ZNF423: variants seen among roughly 807,000 people sequenced by gnomAD.
ZNF423 encodes Ebf-associated zinc finger protein.
Under a neutral mutation model 95.8 loss-of-function variants are expected in ZNF423, and 12 were observed. The observed-to-expected ratio is 0.13, with a 90% CI of 0.08 to 0.20. The LOEUF is 0.20. Ranked by LOEUF, ZNF423 falls within the 10% of genes least tolerant of loss-of-function variation. ZNF423 has a pLI of 1.00. For synonymous variants in ZNF423, 749 were observed against 711.9 expected (o/e 1.05, Z -0.83); for missense variants, 1,316 against 1,737.1 (o/e 0.76, Z 4.31).
In ZNF423 at chr16:49,669,332, A is replaced by G. The variant is rs146628195; in HGVS notation, c.302-30458T>C. On this transcript the variant is annotated intron_variant, in intron 3 of 7. Coordinates refer to ENST00000563137, the MANE Select transcript of ZNF423 (RefSeq NM_001379286.1). ...TAACAAGAGCGAAACTCCGTCTCAA[A>G]AAAAAAAAGAAAAAGAAAAAGAAAA... Among the ~76,000 whole-genome samples the G allele has an allele frequency of 4.9e-3, 740 of 152,104 alleles. 5 individuals are homozygous for G. Among genetic ancestry groups the G allele is most frequent in the African/African-American group, 0.017 (717 of 41,490 alleles).
At chr16:49,530,035 A>G (rs767261967) in intron 5 of ZNF423, among the ~76,000 whole-genome samples, 2 of 152,172 alleles carry the variant, frequency 1.3e-5, no homozygotes, top group Non-Finnish European at 1.5e-5. Context: ...GTGGCAATGA[A>G]GGACACAAAA....
At chr16:49,554,874 C>G (rs1256200363) in intron 5 of ZNF423, among the ~76,000 whole-genome samples, 2 of 152,048 alleles carry the variant, frequency 1.3e-5, no homozygotes, top group Admixed American at 6.5e-5. Context: ...GCACCTGGCA[C>G]AGTGCCTGGT....
chr16:49,556,976 G>C (rs939567395), intron 5 of ZNF423, among the ~76,000 whole-genome samples: 4 of 152,110 alleles, frequency 2.6e-5, no homozygotes, highest in African/African-American at 9.7e-5. Context: ...AAAACTATGA[G>C]CCCAGATCAA....
At chr16:49,749,894 G>A (rs2033601016) in intron 2 of ZNF423, among the ~76,000 whole-genome samples, 1 of 152,186 alleles carries the variant, frequency 6.6e-6, no homozygotes. Flanking sequence ...TCTCCCTCCC[G>A]CGAACGCATG....
chr16:49,523,603 G>A (rs756057627), intron 7 of ZNF423, 21 bp downstream of exon 7: 40 of 1,601,650 alleles, frequency 2.5e-5, no homozygotes, highest in Non-Finnish European at 3.3e-5. Context: ...GCGGCGTGGT[G>A]CAGCGGATGT....
chr16:49,848,080 G>C (rs1045291345), intron 1 of ZNF423, among the ~76,000 whole-genome samples: 1 of 152,076 alleles, frequency 6.6e-6, no homozygotes, highest in Non-Finnish European at 1.5e-5. Flanking sequence ...CTCCAGCCTG[G>C]GGGACAGAGC....
intron 1 of ZNF423, among the ~76,000 whole-genome samples, chr16:49,801,131 G>A (rs1340450980): frequency 6.6e-6 from 1 of 152,196 alleles, no homozygotes; most frequent in East Asian, 1.9e-4. Context: ...GTCAGAAGAG[G>A]AGCCAAGCCT....
chr16:49,766,209 C>G (rs1441395207), intron 2 of ZNF423, among the ~76,000 whole-genome samples: 1 of 151,992 alleles, frequency 6.6e-6, no homozygotes, highest in Non-Finnish European at 1.5e-5. Context: ...TAACATAGGA[C>G]CAAATGCAAT....
rs552421632 is a variant in ZNF423 at position 49,590,050 on chromosome 16, A to ATATATATATATATATG, written c.3601+36119_3601+36120insCATATATATATATATA. 4.4e-3 allele frequency among the ~76,000 whole-genome samples: 521 copies of ATATATATATATATATG among 117,552 alleles called. 58 individuals carry two copies. The highest frequency in any genetic ancestry group is 0.016 in the Middle Eastern group (3 of 186). 77.1% of individuals were successfully genotyped at this position (117,552 alleles called of 152,430 possible). A position where few individuals can be genotyped will look rare whatever the true frequency, so the allele number is the denominator to read the frequency against. ...GGCGAATATATATATATATATATATATTTGGTCCATACAGACGTGACCAGA... is the reference window on the plus strand; with the variant it reads ...GGCGAATATATATATATATATATATATATATATATATATATGTTTGGTCCATACAGACGTGACCAGA... On this transcript the variant is annotated intron_variant, in intron 5 of 7. Coordinates refer to ENST00000563137, the MANE Select transcript of ZNF423 (RefSeq NM_001379286.1).
intron 5 of ZNF423, among the ~76,000 whole-genome samples, chr16:49,602,143 T>C: frequency 6.6e-6 from 1 of 152,228 alleles, no homozygotes; most frequent in Non-Finnish European, 1.5e-5. Flanking sequence ...CTGTTCTGAA[T>C]CTGACTCCCT....
At chr16:49,850,993 G>C (rs1377856046) in intron 1 of ZNF423, among the ~76,000 whole-genome samples, 1 of 152,172 alleles carries the variant, frequency 6.6e-6, no homozygotes, top group Non-Finnish European at 1.5e-5. Context: ...CTCTGCAGGA[G>C]GGCTGTCGGG....
chr16:49,759,350 G>A (rs536576718), intron 2 of ZNF423, among the ~76,000 whole-genome samples: 3 of 151,696 alleles, frequency 2.0e-5, no homozygotes, highest in African/African-American at 7.3e-5. Flanking sequence ...GGTGAGCCAA[G>A]ATCGAGCCAC....
chr16:49,544,034 C>T (rs1356700023), intron 5 of ZNF423, among the ~76,000 whole-genome samples: 4 of 152,234 alleles, frequency 2.6e-5, no homozygotes, highest in Admixed American at 2.6e-4. Context: ...AGTCTAATCC[C>T]TGTGGTACTG....
chr16:49,528,564 AAAAGTG>A (rs1205541281), intron 5 of ZNF423, among the ~76,000 whole-genome samples: 8 of 152,118 alleles, frequency 5.3e-5, no homozygotes, highest in African/African-American at 1.7e-4. Flanking sequence ...AAAACAAGCA[AAAAGTG>A]AAAGTGAAGG....
chr16:49,676,040 C>G (rs140124254), intron 3 of ZNF423, among the ~76,000 whole-genome samples: 25 of 152,358 alleles, frequency 1.6e-4, no homozygotes, highest in African/African-American at 6.0e-4. Flanking sequence ...TCTTCTCCAG[C>G]TTTTTGGGCC....
Position 49,758,155 on chromosome 16 carries a change from T to C in ZNF423, c.101-27184A>G, listed in dbSNP as rs183862043. ...AATTGTTAGAAAGGAATTTGTTTTT[T>C]TGAGACAGGGTCTCGCTCTGTCACC... On this transcript the variant is annotated intron_variant, in intron 2 of 7. Coordinates refer to ENST00000563137, the MANE Select transcript of ZNF423 (RefSeq NM_001379286.1). Among the ~76,000 whole-genome samples, 44 of 152,326 alleles carry C rather than the reference T, an allele frequency of 2.9e-4. No homozygotes were observed. The East Asian group carries it at 5.6e-3, about 19-fold the overall frequency.
chr16:49,794,499 C>T (rs2034468627), intron 1 of ZNF423, among the ~76,000 whole-genome samples: 1 of 152,182 alleles, frequency 6.6e-6, no homozygotes, highest in African/African-American at 2.4e-5. Flanking sequence ...CATACGGCCC[C>T]CCACACAAGC....
chr16:49,517,804 C>T (rs1031257430), intron 7 of ZNF423: 1 of 363,844 alleles, frequency 2.7e-6, no homozygotes, highest in Non-Finnish European at 5.3e-6. Context: ...GTTGTTCCTG[C>T]TGCTGTCTTC....
chr16:49,743,349 G>T (rs1432765752), intron 2 of ZNF423, among the ~76,000 whole-genome samples: 1 of 152,114 alleles, frequency 6.6e-6, no homozygotes, highest in Non-Finnish European at 1.5e-5. Context: ...TATCATAGCA[G>T]TCCTCATGAT....
Sources: gnomAD v4.1 joint callset for allele counts (sites outside exome capture counted in the v4.1 genomes callset) on GRCh38, gnomAD v4.1.1 for gene constraint, MANE v1.5 for transcripts, NCBI Gene and HGNC (gene_info 2026-07-23, HGNC 2026-07-21) for gene names.